The following AGBL4 variants were observed in gnomAD, a reference collection of about 807,000 sequenced individuals.
AGBL4 encodes AGBL carboxypeptidase 4.
A neutral mutation model predicts 66.4 loss-of-function variants in AGBL4; 58 were observed. The observed-to-expected ratio is 0.87, with a 90% CI of 0.71 to 1.09. The LOEUF (loss-of-function observed/expected upper bound fraction) is 1.09. Among genes scored for constraint, AGBL4 ranks in the 50% least tolerant of loss-of-function variants. The pLI is 0.00. For missense variants in AGBL4, 579 were observed against 631.0 expected (o/e 0.92, Z 0.88); for synonymous variants, 234 against 222.9 (o/e 1.05, Z -0.44).
chr1:48,704,322 G>A (rs1406955115), intron 6 of AGBL4, among the ~76,000 whole-genome samples: 1 of 152,214 alleles, frequency 6.6e-6, no homozygotes, highest in Non-Finnish European at 1.5e-5. Flanking sequence ...GTGCACGAGT[G>A]TAGACTTTAG....
At chr1:48,613,116 A>T (rs1645265156) in intron 9 of AGBL4, among the ~76,000 whole-genome samples, 1 of 152,168 alleles carries the variant, frequency 6.6e-6, no homozygotes, top group Non-Finnish European at 1.5e-5. Context: ...CCTGGGCGAG[A>T]GAGCAATACT....
rs78307084 is a variant in AGBL4 at position 48,578,692 on chromosome 1, C to G, written c.1267+8312G>C. Among the ~76,000 whole-genome samples the G allele has an allele frequency of 4.5e-3, 683 of 152,274 alleles. 2 individuals are homozygous for G. The highest frequency in any genetic ancestry group is 0.016 in the African/African-American group (654 of 41,548). The stretch of plus-strand genomic sequence containing the variant: ...TCTGAACAGCAGAGATCACATAACT[C>G]ATTGCCTTGTTCTTGATCCAAGTGG... On this transcript the variant is annotated intron_variant, in intron 11 of 13. Coordinates refer to ENST00000371839, the MANE Select transcript of AGBL4 (RefSeq NM_032785.4).
chr1:48,571,001 T>C (rs776058670), intron 11 of AGBL4, among the ~76,000 whole-genome samples: 23 of 152,298 alleles, frequency 1.5e-4, no homozygotes, highest in Non-Finnish European at 2.8e-4. Flanking sequence ...CCCTGACTTA[T>C]TGGGATCCCC....
chr1:49,846,283 C>A, intron 2 of AGBL4: 2 of 1,498,856 alleles, frequency 1.3e-6, no homozygotes, highest in Admixed American at 1.7e-5. Context: ...AGAGCACCCA[C>A]CTCACACAGC....
chr1:49,158,095 T>G (rs1008947178), intron 4 of AGBL4, among the ~76,000 whole-genome samples: 16 of 152,128 alleles, frequency 1.1e-4, no homozygotes, highest in Non-Finnish European at 2.2e-4. Flanking sequence ...GATTCCCTAT[T>G]TAATAAATGT....
chr1:48,954,467 G>A (rs1218230052), intron 5 of AGBL4, among the ~76,000 whole-genome samples: 1 of 152,200 alleles, frequency 6.6e-6, no homozygotes, highest in Non-Finnish European at 1.5e-5. Context: ...GTCACAGAGA[G>A]CAGAAAGTGA....
intron 4 of AGBL4, among the ~76,000 whole-genome samples, chr1:49,108,115 A>T (rs535918285): frequency 6.6e-6 from 1 of 152,268 alleles, no homozygotes; most frequent in African/African-American, 2.4e-5. Flanking sequence ...CTTCACTTTC[A>T]ACCCTCTGCA....
chr1:49,897,625 C>T (rs1412475532), intron 1 of AGBL4, among the ~76,000 whole-genome samples: 1 of 151,830 alleles, frequency 6.6e-6, no homozygotes, highest in Non-Finnish European at 1.5e-5. Flanking sequence ...TATGGAGCCA[C>T]AAAAGACTCA....
At chr1:49,840,753 G>T (rs1283824268) in intron 2 of AGBL4, among the ~76,000 whole-genome samples, 4 of 152,114 alleles carry the variant, frequency 2.6e-5, no homozygotes, top group Non-Finnish European at 4.4e-5. Flanking sequence ...AAAATCATAT[G>T]ACCATCTCAA....
chr1:48,854,087 A>G (rs1204296822), intron 6 of AGBL4, among the ~76,000 whole-genome samples: 3 of 152,194 alleles, frequency 2.0e-5, no homozygotes, highest in Admixed American at 2.0e-4. Context: ...CTTAATCTTT[A>G]TTTCATCCCT....
chr1:49,821,387 T>C (rs1330019182), intron 2 of AGBL4, among the ~76,000 whole-genome samples: 1 of 152,224 alleles, frequency 6.6e-6, no homozygotes, highest in Non-Finnish European at 1.5e-5. Flanking sequence ...ATGGCATCAC[T>C]TATCCCACAA....
At chr1:49,074,378 C>T (rs1169108908) in intron 4 of AGBL4, among the ~76,000 whole-genome samples, 1 of 152,208 alleles carries the variant, frequency 6.6e-6, no homozygotes, top group African/African-American at 2.4e-5. Flanking sequence ...CCTGCTTCGG[C>T]TCACCCTCCA....
intron 5 of AGBL4, among the ~76,000 whole-genome samples, chr1:49,018,672 A>G (rs1042123089): frequency 5.9e-5 from 9 of 152,174 alleles, no homozygotes; most frequent in African/African-American, 1.9e-4. Flanking sequence ...TGGTGGCTCT[A>G]TCTTTCACCA....
At chr1:49,196,652 ACTTTTGGTGGGGTG>A (rs1647268855) in intron 4 of AGBL4, among the ~76,000 whole-genome samples, 1 of 151,304 alleles carries the variant, frequency 6.6e-6, no homozygotes, top group Admixed American at 6.6e-5. Context: ...TTTTGAATTT[ACTTTTGGTGGGGTG>A]AGACTTTTTT....
chr1:49,973,631 ATT>A (rs1491429785), intron 1 of AGBL4, among the ~76,000 whole-genome samples: 3 of 148,420 alleles, frequency 2.0e-5, no homozygotes, highest in Non-Finnish European at 4.5e-5. Context: ...ATACATATAT[ATT>A]ATATATATCA....
At chr1:48,882,838 G>A (rs990973920) in intron 5 of AGBL4, among the ~76,000 whole-genome samples, 2 of 152,038 alleles carry the variant, frequency 1.3e-5, no homozygotes, top group African/African-American at 4.8e-5. Flanking sequence ...AACTTTTTTA[G>A]ATTCCACATA....
chr1:49,763,120 T>C (rs183083652), intron 2 of AGBL4, among the ~76,000 whole-genome samples: 205 of 152,342 alleles, frequency 1.3e-3, no homozygotes, highest in African/African-American at 4.7e-3. Context: ...TAATTTTCCC[T>C]GCTCCATAGA....
At chr1:49,001,284 A>G (rs1571200411) in intron 5 of AGBL4, among the ~76,000 whole-genome samples, 1 of 152,228 alleles carries the variant, frequency 6.6e-6, no homozygotes, top group African/African-American at 2.4e-5. Flanking sequence ...AGTGGCTAAT[A>G]TCATCTTGAA....
intron 2 of AGBL4, among the ~76,000 whole-genome samples, chr1:49,723,010 T>C (rs553092708): frequency 1.3e-5 from 2 of 152,190 alleles, no homozygotes; most frequent in East Asian, 1.9e-4. Context: ...CCACCAACAG[T>C]TTATAAATTA....
Sources: gnomAD v4.1 joint callset for allele counts (sites outside exome capture counted in the v4.1 genomes callset) on GRCh38, gnomAD v4.1.1 for gene constraint, MANE v1.5 for transcripts, NCBI Gene and HGNC (gene_info 2026-07-23, HGNC 2026-07-21) for gene names.